Variants in MDGA2 observed in about 807,000 individuals in gnomAD.
MDGA2 encodes the protein MAM domain-containing glycosylphosphatidylinositol anchor protein 2.
A neutral mutation model predicts 117.8 loss-of-function variants in MDGA2; 40 were observed. The observed-to-expected ratio is 0.34, with a 90% confidence interval of 0.26 to 0.44. The LOEUF is 0.44. MDGA2 is among the 20% of genes least tolerant of loss of function. The pLI is 1.00. For synonymous variants in MDGA2, 452 were observed against 439.0 expected (o/e 1.03, Z -0.37); for missense variants, 1,123 against 1,250.6 (o/e 0.90, Z 1.54).
intron 5 of MDGA2, among the ~76,000 whole-genome samples, chr14:47,112,425 G>C (rs1266735616): frequency 6.6e-6 from 1 of 152,048 alleles, no homozygotes; most frequent in East Asian, 1.9e-4. Context: ...AGGCTCTAGT[G>C]TGTGTTGTTC....
rs1053789219 is a variant in MDGA2, at chr14:47,142,165, C to T, written c.792+1913G>A. Among the ~76,000 whole-genome samples, 6 of 152,196 alleles carry T rather than the reference C, an allele frequency of 3.9e-5. 1 individual carries two copies. The South Asian group carries it at 6.2e-4, about 16-fold the overall frequency. ...TGCAGGTTAGAAATAGCCATATAGC[C>T]GGGCACGGTGGCTCACACCTGTAAT... On this transcript the variant is annotated intron_variant, in intron 4 of 16. Transcript: ENST00000399232.
intron 1 of MDGA2, among the ~76,000 whole-genome samples, chr14:47,646,726 G>A (rs769091979): frequency 5.9e-5 from 9 of 152,102 alleles, no homozygotes; most frequent in Non-Finnish European, 1.0e-4. Context: ...AACCCTTAGC[G>A]TAAAATATGG....
intron 1 of MDGA2, among the ~76,000 whole-genome samples, chr14:47,581,763 C>T (rs1896232924): frequency 6.6e-6 from 1 of 152,070 alleles, no homozygotes; most frequent in South Asian, 2.1e-4. Flanking sequence ...GCGCAACAAC[C>T]TGAATTTATG....
In MDGA2 at chr14:47,469,907, A is replaced by C. The variant is rs541576222; in HGVS notation, c.281-168357T>G. Reference sequence around the variant, plus strand: ...GGCAGCCTGAAAGCTAAAATCTATAAAAATACAGAAACTGGGTATCTGCTA... The same window carrying C: ...GGCAGCCTGAAAGCTAAAATCTATACAAATACAGAAACTGGGTATCTGCTA... On this transcript the variant is annotated intron_variant, in intron 1 of 16. Transcript: ENST00000399232. Among the ~76,000 whole-genome samples, 6 of 152,208 alleles carry C rather than the reference A, an allele frequency of 3.9e-5. No individual in the cohort carries two copies. In the South Asian group the frequency reaches 1.2e-3, roughly 32 times the overall value.
At chr14:47,258,803 A>G (rs942470222) in intron 2 of MDGA2, among the ~76,000 whole-genome samples, 1 of 151,928 alleles carries the variant, frequency 6.6e-6, no homozygotes, top group Admixed American at 6.6e-5. Context: ...AGGGTTCAGT[A>G]TGCTGCTTAT....
chr14:46,868,936 C>CT (rs1566499492), intron 14 of MDGA2, among the ~76,000 whole-genome samples: 2 of 151,848 alleles, frequency 1.3e-5, no homozygotes, highest in African/African-American at 2.4e-5. Flanking sequence ...ATACTGAATT[C>CT]TTTTTTTTAC....
chr14:47,466,736 C>T (rs1434663995), intron 1 of MDGA2, among the ~76,000 whole-genome samples: 1 of 151,962 alleles, frequency 6.6e-6, no homozygotes, highest in African/African-American at 2.4e-5. Context: ...TTTAGAGCAG[C>T]GGGGTGGATG....
At chr14:47,335,601 G>A (rs945611698) in intron 1 of MDGA2, among the ~76,000 whole-genome samples, 2 of 151,106 alleles carry the variant, frequency 1.3e-5, no homozygotes, top group African/African-American at 4.9e-5. Context: ...CACTGAGTAA[G>A]GTAGGAAGTC....
intron 8 of MDGA2, among the ~76,000 whole-genome samples, chr14:47,015,241 T>C (rs973492783): frequency 6.6e-6 from 1 of 150,830 alleles, no homozygotes; most frequent in Non-Finnish European, 1.5e-5. Flanking sequence ...CCATTACAGA[T>C]ATAATAATAA....
chr14:47,385,771 A>G (rs1017597311), intron 1 of MDGA2, among the ~76,000 whole-genome samples: 2 of 152,180 alleles, frequency 1.3e-5, no homozygotes, highest in Admixed American at 6.5e-5. Context: ...GTGTGAGCCA[A>G]ATGAACAAAT....
At chr14:47,343,163 T>G in intron 1 of MDGA2, 2 of 1,156,716 alleles carry the variant, frequency 1.7e-6, no homozygotes, top group Non-Finnish European at 2.2e-6. Context: ...AGGACTAATT[T>G]CCACTTATCA....
chr14:46,995,479 A>G (rs1387689435), intron 8 of MDGA2, among the ~76,000 whole-genome samples: 1 of 152,190 alleles, frequency 6.6e-6, no homozygotes, highest in African/African-American at 2.4e-5. Context: ...TTAGGAAGTT[A>G]ATGAATTACA....
chr14:47,339,777 G>T (rs754064455), intron 1 of MDGA2, among the ~76,000 whole-genome samples: 44 of 151,964 alleles, frequency 2.9e-4, no homozygotes, highest in Non-Finnish European at 4.4e-5. Context: ...ACAGAGCCTC[G>T]GGGATTCCTG....
intron 1 of MDGA2, among the ~76,000 whole-genome samples, chr14:47,654,652 T>C (rs1285781031): frequency 1.3e-5 from 2 of 151,926 alleles, no homozygotes; most frequent in Non-Finnish European, 2.9e-5. Flanking sequence ...TATGAAGAGA[T>C]CTCCACCTAT....
At chr14:47,346,173 T>C (rs1890758771) in intron 1 of MDGA2, among the ~76,000 whole-genome samples, 1 of 152,142 alleles carries the variant, frequency 6.6e-6, no homozygotes, top group Non-Finnish European at 1.5e-5. Context: ...ATTATATGTA[T>C]TGAAACCACT....
chr14:47,123,331 TA>T lies in MDGA2; in HGVS notation c.925+8382del, dbSNP rs546224012. On this transcript the variant is annotated intron_variant, in intron 5 of 16. Coordinates refer to ENST00000399232, the MANE Select transcript of MDGA2 (RefSeq NM_001113498.3). ...TCCTTTTATGACAGTAATAGAATTTTAAAAAATCTGGGTCATCTTATTGCTC... is the reference window on the plus strand; with the variant it reads ...TCCTTTTATGACAGTAATAGAATTTTAAAAATCTGGGTCATCTTATTGCTC... 5.3e-5 allele frequency among the ~76,000 whole-genome samples: 8 copies of T among 152,206 alleles called. No homozygotes were observed. The South Asian group carries it at 1.2e-3, about 24-fold the overall frequency.
intron 1 of MDGA2, among the ~76,000 whole-genome samples, chr14:47,466,063 C>G (rs901580973): frequency 6.6e-6 from 1 of 151,974 alleles, no homozygotes; most frequent in Non-Finnish European, 1.5e-5. Context: ...CAAACTAGCA[C>G]AAGAGCAGAA....
intron 1 of MDGA2, among the ~76,000 whole-genome samples, chr14:47,414,883 AT>A (rs1461459644): frequency 3.9e-5 from 6 of 152,132 alleles, no homozygotes; most frequent in Non-Finnish European, 8.8e-5. Flanking sequence ...TGTAATCATC[AT>A]TTTTACTAAC....
intron 1 of MDGA2, among the ~76,000 whole-genome samples, chr14:47,457,126 A>C (rs1048981450): frequency 6.6e-6 from 1 of 152,208 alleles, no homozygotes; most frequent in South Asian, 2.1e-4. Flanking sequence ...AGATAATTGT[A>C]CTGATGGTAA....
Sources: allele counts gnomAD v4.1 joint callset (sites outside exome capture counted in the v4.1 genomes callset), GRCh38; gene constraint gnomAD v4.1.1; transcripts MANE v1.5; gene names NCBI Gene and HGNC (gene_info 2026-07-23, HGNC 2026-07-21).